Variants in LMNTD1 observed in about 807,000 individuals in gnomAD.
LMNTD1 encodes the protein lamin tail domain containing 1, also known as lamin tail domain-containing protein 1.
Under a neutral mutation model 50.9 loss-of-function variants are expected in LMNTD1, and 35 were observed. That is an observed-to-expected ratio of 0.69 (90% CI 0.53 to 0.91). The LOEUF is 0.91. LMNTD1 is among the 40% of genes least tolerant of loss of function. The probability of loss-of-function intolerance (pLI) is 0.00; values close to 1 mark genes in which losing one functional copy is unlikely to be tolerated. For synonymous variants in LMNTD1, 153 were observed against 161.9 expected (o/e 0.94, Z 0.42); for missense variants, 470 against 475.5 (o/e 0.99, Z 0.11).
chr12:25,481,765 C>T (rs1350888230), intron 9 of LMNTD1, among the ~76,000 whole-genome samples: 3 of 150,738 alleles, frequency 2.0e-5, no homozygotes, highest in Non-Finnish European at 2.9e-5. Context: ...ACGGCTGTGG[C>T]TGTAGAGAGA....
chr12:25,645,013 C>T (rs889602923), intron 1 of LMNTD1, among the ~76,000 whole-genome samples: 5 of 152,084 alleles, frequency 3.3e-5, no homozygotes, highest in Admixed American at 6.6e-5. Flanking sequence ...AATGTGAAAT[C>T]GTCATTTCAA....
At chr12:25,575,940 G>A (rs1442920014) in intron 1 of LMNTD1, among the ~76,000 whole-genome samples, 4 of 152,122 alleles carry the variant, frequency 2.6e-5, no homozygotes, top group Non-Finnish European at 4.4e-5. Context: ...AACATGGGGT[G>A]TTTGGTTTTC....
At chr12:25,613,943 T>C (rs1946298335) in intron 1 of LMNTD1, among the ~76,000 whole-genome samples, 1 of 151,578 alleles carries the variant, frequency 6.6e-6, no homozygotes, top group African/African-American at 2.4e-5. Context: ...AGGGAGAAGA[T>C]AGGCGGAAGC....
intron 1 of LMNTD1, among the ~76,000 whole-genome samples, chr12:25,563,908 G>T (rs1335888997): frequency 6.6e-6 from 1 of 152,196 alleles, no homozygotes; most frequent in Non-Finnish European, 1.5e-5. Flanking sequence ...TGTGCTAGCA[G>T]TGAGTGAGGC....
intron 8 of LMNTD1, among the ~76,000 whole-genome samples, chr12:25,517,840 G>A (rs961961862): frequency 4.0e-5 from 6 of 151,800 alleles, no homozygotes; most frequent in Non-Finnish European, 8.8e-5. Context: ...TGTTTTGGGG[G>A]TGCCATTTCC....
intron 1 of LMNTD1, among the ~76,000 whole-genome samples, chr12:25,647,094 A>G (rs1947088884): frequency 6.6e-6 from 1 of 152,178 alleles, no homozygotes; most frequent in Non-Finnish European, 1.5e-5. Context: ...ATTTTCCAAA[A>G]CGATTGAATA....
intron 8 of LMNTD1, among the ~76,000 whole-genome samples, chr12:25,506,853 A>G (rs913895605): frequency 1.3e-5 from 2 of 151,992 alleles, no homozygotes; most frequent in African/African-American, 4.8e-5. Flanking sequence ...TTAATCATTA[A>G]TATTTGCCAA....
At chr12:25,633,352 A>G (rs867797629) in intron 1 of LMNTD1, among the ~76,000 whole-genome samples, 1 of 152,188 alleles carries the variant, frequency 6.6e-6, no homozygotes, top group African/African-American at 2.4e-5. Context: ...AGAACATTTC[A>G]TCCAACAACC....
At chr12:25,502,819 T>A (rs1450399375) in intron 9 of LMNTD1, 1 of 151,940 alleles carries the variant, frequency 6.6e-6, no homozygotes, top group South Asian at 2.1e-4. Context: ...TTAGGGAAAA[T>A]CTAGGGAGAG....
At chr12:25,515,620 T>C (rs1009144918) in intron 8 of LMNTD1, among the ~76,000 whole-genome samples, 3 of 152,168 alleles carry the variant, frequency 2.0e-5, no homozygotes, top group African/African-American at 7.2e-5. Flanking sequence ...GCATTCATTC[T>C]GCATGATTAA....
chr12:25,587,538 A>G (rs376258731), intron 1 of LMNTD1, among the ~76,000 whole-genome samples: 1 of 139,154 alleles, frequency 7.2e-6, no homozygotes, highest in East Asian at 2.2e-4. Flanking sequence ...GACTCACTCA[A>G]TCTTGTGAGG....
intron 1 of LMNTD1, among the ~76,000 whole-genome samples, chr12:25,597,989 T>C (rs146572397): frequency 1.2e-3 from 188 of 152,226 alleles, no homozygotes; most frequent in African/African-American, 4.4e-3. Flanking sequence ...TCCCATGCTG[T>C]TCTTGTCATA....
upstream of LMNTD1, chr12:25,553,388 C>T: frequency 1.9e-6 from 1 of 526,986 alleles, no homozygotes; most frequent in South Asian, 4.7e-5. Context: ...GCTGTACCTT[C>T]TTTGCAGTTT....
intron 7 of LMNTD1, 41 bp downstream of exon 7, chr12:25,519,817 G>T: frequency 1.5e-6 from 2 of 1,324,254 alleles, no homozygotes; most frequent in South Asian, 1.2e-5. Flanking sequence ...TACTAATTGT[G>T]GGAAGGACCC....
At chr12:25,499,508 T>C (rs1479509) in intron 9 of LMNTD1, among the ~76,000 whole-genome samples, 65,229 of 152,032 alleles carry the variant, frequency 0.43, 15,321 homozygotes, top group Non-Finnish European at 0.55. Context: ...CTAAGCAGCT[T>C]AGCTATTATA....
chr12:25,552,960 CT>C lies in LMNTD1; in HGVS notation c.-2del, dbSNP rs1476418516. The C allele has an allele frequency of 1.3e-6, 2 of 1,591,738 alleles. No homozygotes were observed. Among genetic ancestry groups the C allele is most frequent in the African/African-American group, 2.7e-5 (2 of 74,292 alleles). On this transcript the variant is annotated 5_prime_UTR_variant, in exon 2 of 10. Transcript: ENST00000458174. Reference sequence around the variant, plus strand: ...CCTGAATGTCTTGTGTATCTTTCATCTTGGCTAGAAAAGAAGTCTCTTTTCT... The same window carrying C: ...CCTGAATGTCTTGTGTATCTTTCATCTGGCTAGAAAAGAAGTCTCTTTTCT...
intron 1 of LMNTD1, among the ~76,000 whole-genome samples, chr12:25,593,391 T>G (rs929995024): frequency 6.6e-6 from 1 of 152,188 alleles, no homozygotes; most frequent in African/African-American, 2.4e-5. Context: ...CAGGACTCTC[T>G]GCAGACAACC....
At chr12:25,619,276 A>ATATATATATATATATATG (rs1946424842) in intron 1 of LMNTD1, among the ~76,000 whole-genome samples, 1 of 58,178 alleles carries the variant, frequency 1.7e-5, no homozygotes, top group Admixed American at 1.4e-4. Context: ...ATATATATAT[A>ATATATATATATATATATG]TATGTATAGC....
chr12:25,576,584 G>A (rs1945029802), intron 1 of LMNTD1, among the ~76,000 whole-genome samples: 1 of 152,084 alleles, frequency 6.6e-6, no homozygotes, highest in Non-Finnish European at 1.5e-5. Context: ...TGTAGATTCT[G>A]GATATTAGCC....
Sources: allele counts gnomAD v4.1 joint callset (sites outside exome capture counted in the v4.1 genomes callset), GRCh38; gene constraint gnomAD v4.1.1; transcripts MANE v1.5; gene names NCBI Gene and HGNC (gene_info 2026-07-23, HGNC 2026-07-21).